Variants in ETV6 observed in about 807,000 individuals in gnomAD.
ETV6 encodes transcription factor ETV6.
Under a neutral mutation model 51.1 loss-of-function variants are expected in ETV6, and 16 were observed. The observed-to-expected ratio is 0.31, with a 90% CI of 0.21 to 0.48. The LOEUF (loss-of-function observed/expected upper bound fraction) is 0.48. Among genes scored for constraint, ETV6 ranks in the 20% least tolerant of loss-of-function variants. The pLI is 0.99. For missense variants in ETV6, 458 were observed against 594.8 expected, an observed-to-expected ratio of 0.77 and a Z score of 2.39; for synonymous variants, 240 against 224.1, an observed-to-expected ratio of 1.07 and a Z score of -0.64.
chr12:11,664,294 T>C (rs2120660174), intron 1 of ETV6, among the ~76,000 whole-genome samples: 1 of 152,338 alleles, frequency 6.6e-6, no homozygotes, highest in East Asian at 1.9e-4. Flanking sequence ...CTGGATCAGT[T>C]TGCTAGCCTG....
chr12:11,827,272 G>C (rs966946363), intron 2 of ETV6, among the ~76,000 whole-genome samples: 1 of 152,076 alleles, frequency 6.6e-6, no homozygotes, highest in African/African-American at 2.4e-5. Context: ...CAGCAGCCCA[G>C]ACAGCCTTTC....
intron 2 of ETV6, among the ~76,000 whole-genome samples, chr12:11,830,956 G>C (rs551870728): frequency 1.3e-5 from 2 of 152,314 alleles, no homozygotes; most frequent in East Asian, 3.9e-4. Context: ...GACAAGAACA[G>C]ATGTGTTTTC....
At chr12:11,788,253 T>A (rs948791179) in intron 2 of ETV6, among the ~76,000 whole-genome samples, 2 of 152,196 alleles carry the variant, frequency 1.3e-5, no homozygotes, top group Admixed American at 6.5e-5. Flanking sequence ...TCCAAAATAT[T>A]TTTTTAGATC....
At chr12:11,853,163 G>C (rs1438485367) in intron 3 of ETV6, among the ~76,000 whole-genome samples, 2 of 152,220 alleles carry the variant, frequency 1.3e-5, no homozygotes, top group Non-Finnish European at 2.9e-5. Flanking sequence ...CTTCAGCACT[G>C]GCAACGGAGC....
intron 5 of ETV6, among the ~76,000 whole-genome samples, chr12:11,880,781 TTTA>T (rs1272654721): frequency 6.6e-6 from 1 of 152,120 alleles, no homozygotes; most frequent in Non-Finnish European, 1.5e-5. Context: ...ATTGCTGAAA[TTTA>T]TTAAAATGAA....
chr12:11,738,532 C>T (rs1392186322), intron 1 of ETV6, among the ~76,000 whole-genome samples: 1 of 151,674 alleles, frequency 6.6e-6, no homozygotes, highest in Non-Finnish European at 1.5e-5. Flanking sequence ...ATCTCAAACT[C>T]CTGGGCTCAA....
intron 2 of ETV6, among the ~76,000 whole-genome samples, chr12:11,837,737 A>G (rs1212728300): frequency 6.6e-6 from 1 of 152,228 alleles, no homozygotes; most frequent in Non-Finnish European, 1.5e-5. Flanking sequence ...CACTGATGCC[A>G]TTGCTCTGTT....
At chr12:11,886,513 G>A (rs1055959288) in intron 7 of ETV6, among the ~76,000 whole-genome samples, 1 of 151,934 alleles carries the variant, frequency 6.6e-6, no homozygotes, top group African/African-American at 2.4e-5. Context: ...AGTTGAAAAT[G>A]CCAGACTGCA....
chr12:11,873,683 T>C (rs1458807087), intron 5 of ETV6, among the ~76,000 whole-genome samples: 1 of 113,178 alleles, frequency 8.8e-6, no homozygotes, highest in Non-Finnish European at 1.8e-5. Context: ...CCCTAGAATT[T>C]ATGCATTTGG....
chr12:11,889,933 G>A (rs974638168), intron 7 of ETV6, among the ~76,000 whole-genome samples: 46 of 152,242 alleles, frequency 3.0e-4, no homozygotes, highest in African/African-American at 9.6e-4. Context: ...CAGTGTAGGT[G>A]GAACATCTGC....
chr12:11,839,588 A>ATTT (rs1946362397), intron 3 of ETV6, among the ~76,000 whole-genome samples: 1 of 152,236 alleles, frequency 6.6e-6, no homozygotes. Flanking sequence ...GCCACTAAGA[A>ATTT]GAAAAAGAAG....
chr12:11,706,003 A>C (rs1460403011), intron 1 of ETV6, among the ~76,000 whole-genome samples: 1 of 152,216 alleles, frequency 6.6e-6, no homozygotes, highest in African/African-American at 2.4e-5. Flanking sequence ...TCACCCCCTG[A>C]ACTTTGATGG....
chr12:11,844,552 T>C (rs889977299), intron 3 of ETV6, among the ~76,000 whole-genome samples: 1 of 152,236 alleles, frequency 6.6e-6, no homozygotes, highest in African/African-American at 2.4e-5. Context: ...TGAATCAAAA[T>C]TGGCCTATTA....
intron 5 of ETV6, among the ~76,000 whole-genome samples, chr12:11,874,387 A>G: frequency 6.9e-6 from 1 of 145,860 alleles, no homozygotes; most frequent in African/African-American, 2.5e-5. Context: ...AAAAAAAAAA[A>G]AAATGTGTGT....
At position 11,892,210 on chromosome 12, in the gene ETV6, A is replaced by ATTTTTTTTTTTTTTTTTTTTTTT. The variant is rs35812814; in HGVS notation, c.*1165_*1187dup. 16 of 142,252 alleles carry ATTTTTTTTTTTTTTTTTTTTTTT rather than the reference A, an allele frequency of 1.1e-4. 1 individual carries two copies. The highest frequency in any genetic ancestry group is 6.3e-4 in the African/African-American group (15 of 23,876). The allele number at this position is 142,252 out of a possible 1,614,324, so 8.8% of individuals were successfully genotyped here. A position where few individuals can be genotyped will look rare whatever the true frequency, so the allele number is the denominator to read the frequency against. On this transcript the variant is annotated 3_prime_UTR_variant, in exon 8 of 8. Transcript: ENST00000396373. ...GTGGTCAGTTTCATGCCCTCACCTGATTTTTTTTTTTTTTTTTTTTTTTCA... is the reference window on the plus strand; with the variant it reads ...GTGGTCAGTTTCATGCCCTCACCTGATTTTTTTTTTTTTTTTTTTTTTTTTTTTTTTTTTTTTTTTTTTTTTCA...
intron 1 of ETV6, among the ~76,000 whole-genome samples, chr12:11,706,636 T>A (rs1356277458): frequency 1.3e-5 from 2 of 152,186 alleles, no homozygotes; most frequent in East Asian, 3.8e-4. Flanking sequence ...CTGCACTGTT[T>A]TGTGAGCAGG....
At position 11,891,005 on chromosome 12, in the gene ETV6, C is replaced by T; in HGVS notation, c.1318C>T (p.Gln440Ter). 6.2e-7 allele frequency: 1 copy of T among 1,613,844 alleles called. No individual in the cohort carries two copies. The highest frequency in any genetic ancestry group is 8.5e-7 in the Non-Finnish European group (1 of 1,179,824). ...RTDRLEHLES[Q>*]ELDEQIYQED... is the part of the protein sequence containing the mutation. ...AGACCGTCTGGAGCACCTAGAGTCC[C>T]AGGAGCTGGATGAACAAATATACCA... Residue 440 changes from glutamine (Q) to a stop codon, truncating the protein, a stop_gained, in exon 8 of 8, where the codon CAG becomes TAG. Coordinates refer to ENST00000396373, the MANE Select transcript of ETV6 (RefSeq NM_001987.5). LOFTEE classifies it high-confidence loss of function.
chr12:11,729,887 A>G (rs1591636118), intron 1 of ETV6, among the ~76,000 whole-genome samples: 1 of 152,250 alleles, frequency 6.6e-6, no homozygotes, highest in East Asian at 1.9e-4. Context: ...TAAAGCAGGT[A>G]GACCAGCTGT....
chr12:11,801,549 C>T (rs187764055), intron 2 of ETV6, among the ~76,000 whole-genome samples: 1 of 152,366 alleles, frequency 6.6e-6, no homozygotes, highest in Admixed American at 6.5e-5. Flanking sequence ...CTGCGGATAA[C>T]ACAGTCACGC....
Sources: allele counts gnomAD v4.1 joint callset (sites outside exome capture counted in the v4.1 genomes callset), GRCh38; gene constraint gnomAD v4.1.1; transcripts MANE v1.5; gene names NCBI Gene and HGNC (gene_info 2026-07-23, HGNC 2026-07-21).